FHIP1A: variants seen among roughly 807,000 people sequenced by gnomAD.
FHIP1A encodes FHF complex subunit HOOK interacting protein 1A, also known as FHF complex subunit HOOK-interacting protein 1A.
Under a neutral mutation model 88.6 loss-of-function variants are expected in FHIP1A, and 61 were observed. The observed-to-expected ratio is 0.69, with a 90% CI of 0.56 to 0.85. The LOEUF is 0.85. Ranked by LOEUF, FHIP1A falls within the 40% of genes least tolerant of loss-of-function variation. The pLI is 0.00. For synonymous variants in FHIP1A, 478 were observed against 496.0 expected (o/e 0.96, Z 0.48); for missense variants, 1,154 against 1,273.5 (o/e 0.91, Z 1.43).
At position 151,650,376 on chromosome 4, in the gene FHIP1A, C is replaced by T; in HGVS notation, c.2335C>T (p.Pro779Ser). ...LMEQNYPTPD[P>S]LLLTKEEEGK... ...GGAACAGAATTACCCCACACCTGAT[C>T]CCTTGCTTCTCACTAAGGAGGAAGA... is the stretch of plus-strand genomic sequence containing the variant. Residue 779 changes from proline (P) to serine (S), a missense_variant, in exon 11 of 14, where the codon CCC becomes TCC. Pro to Ser is a moderately conservative substitution (Grantham distance 74). Coordinates refer to ENST00000435205, the MANE Select transcript of FHIP1A (RefSeq NM_001109977.3). The T allele has an allele frequency of 6.4e-7, 1 of 1,551,668 alleles. No homozygotes were observed. The highest frequency in any genetic ancestry group is 8.7e-7 in the Non-Finnish European group (1 of 1,146,996).
intron 3 of FHIP1A, among the ~76,000 whole-genome samples, chr4:151,494,890 G>A (rs6844169): frequency 0.12 from 18,885 of 152,106 alleles, 1,285 homozygotes; most frequent in African/African-American, 0.17. Flanking sequence ...TTGTAGAGAT[G>A]TTTCACCTTC....
chr4:151,627,429 C>T (rs1735994141), intron 7 of FHIP1A, among the ~76,000 whole-genome samples: 1 of 152,158 alleles, frequency 6.6e-6, no homozygotes. Flanking sequence ...GGGGGAAAAG[C>T]TGATGCTACA....
rs930985861 is a variant in FHIP1A, at chr4:151,577,343, G to T, written c.106-107G>T. 248 of 995,166 alleles carry T rather than the reference G, an allele frequency of 2.5e-4. 4 individuals carry two copies. Among genetic ancestry groups the T allele is most frequent in the Non-Finnish European group, 6.7e-5 (46 of 682,252 alleles). The allele number at this position is 995,166 out of a possible 1,614,324, so 61.6% of individuals were successfully genotyped here. ...CACAATGCCCACACATATCTTGTGG[G>T]CAGTGGCTCCTGCATTTTTGGTGAC... On this transcript the variant is annotated intron_variant, in intron 4 of 13. Coordinates refer to ENST00000435205, the MANE Select transcript of FHIP1A (RefSeq NM_001109977.3).
At chr4:151,427,614 T>G (rs762577600) in intron 1 of FHIP1A, among the ~76,000 whole-genome samples, 26 of 152,108 alleles carry the variant, frequency 1.7e-4, no homozygotes, top group African/African-American at 2.7e-4. Flanking sequence ...ATTTTAATTT[T>G]AATTTGAATT....
chr4:151,625,197 G>A (rs1735908422), intron 7 of FHIP1A, among the ~76,000 whole-genome samples: 2 of 152,190 alleles, frequency 1.3e-5, no homozygotes, highest in Admixed American at 1.3e-4. Flanking sequence ...TTCAGTGGGA[G>A]CTTCACTCTG....
intron 1 of FHIP1A, among the ~76,000 whole-genome samples, chr4:151,427,518 A>G (rs937399549): frequency 5.3e-4 from 81 of 152,280 alleles, no homozygotes; most frequent in African/African-American, 1.8e-3. Flanking sequence ...ACACAAAAAC[A>G]TGTGGGCAAG....
At chr4:151,425,059 A>G (rs1249982687) in intron 1 of FHIP1A, among the ~76,000 whole-genome samples, 1 of 152,188 alleles carries the variant, frequency 6.6e-6, no homozygotes. Context: ...CTACTGGTCA[A>G]TCTTACCATT....
chr4:151,525,806 G>A (rs1356407511), intron 3 of FHIP1A, among the ~76,000 whole-genome samples: 1 of 150,632 alleles, frequency 6.6e-6, no homozygotes, highest in Non-Finnish European at 1.5e-5. Context: ...TTCTCGCAGA[G>A]GGGGATTTGG....
At chr4:151,556,052 A>G (rs2126754323) in intron 3 of FHIP1A, among the ~76,000 whole-genome samples, 1 of 152,294 alleles carries the variant, frequency 6.6e-6, no homozygotes, top group East Asian at 1.9e-4. Context: ...TAAACAATGT[A>G]TAAATGTGAA....
Position 151,566,227 on chromosome 4 carries a change from A to G in FHIP1A, c.-33A>G. The G allele has an allele frequency of 7.4e-7, 1 of 1,353,454 alleles. No homozygotes were observed. The highest frequency in any genetic ancestry group is 1.4e-5 in the South Asian group (1 of 71,362). The allele number at this position is 1,353,454 out of a possible 1,614,324, so 83.8% of individuals were successfully genotyped here. On this transcript the variant is annotated 5_prime_UTR_variant, in exon 4 of 14. Coordinates refer to ENST00000435205, the MANE Select transcript of FHIP1A (RefSeq NM_001109977.3). Reference sequence around the variant, plus strand: ...CTTACCAAATTTTAATGAAAATTAAATATGACTTAGAAGCATTGATTTATG... The same window carrying G: ...CTTACCAAATTTTAATGAAAATTAAGTATGACTTAGAAGCATTGATTTATG...
intron 3 of FHIP1A, among the ~76,000 whole-genome samples, chr4:151,543,495 TG>T (rs1446917403): frequency 6.6e-6 from 1 of 152,202 alleles, no homozygotes. Flanking sequence ...ATAGAGAATT[TG>T]GAATATGGAG....
intron 1 of FHIP1A, among the ~76,000 whole-genome samples, chr4:151,426,585 T>C (rs3934474): frequency 0.11 from 17,358 of 152,162 alleles, 1,039 homozygotes; most frequent in African/African-American, 0.13. Flanking sequence ...GTGGTTGTAT[T>C]TGAAGACTCA....
intron 3 of FHIP1A, among the ~76,000 whole-genome samples, chr4:151,554,609 G>A (rs1251741782): frequency 6.6e-6 from 1 of 152,072 alleles, no homozygotes; most frequent in Non-Finnish European, 1.5e-5. Context: ...AAAGGTTTTG[G>A]GATGCTGAAA....
chr4:151,650,431 A>G lies in FHIP1A; in HGVS notation c.2390A>G (p.Glu797Gly), dbSNP rs1475147588. The change falls in exon 11 of 14, where the codon GAG becomes GGG. Residue 797 changes from glutamate to glycine, a missense_variant. Glu to Gly is a moderately conservative substitution (Grantham distance 98, BLOSUM62 -2). Coordinates refer to ENST00000435205, the MANE Select transcript of FHIP1A (RefSeq NM_001109977.3). Reference sequence around the variant, plus strand: ...AAGGAAGAGAGTAAAGGAGAAAAGGAGAAGGAGGGGAAGAAGGAGCTAGAA... The same window carrying G: ...AAGGAAGAGAGTAAAGGAGAAAAGGGGAAGGAGGGGAAGAAGGAGCTAGAA... ...EGKEESKGEK[E>G]KEGKKELEDE... 3 of 1,551,500 alleles carry G rather than the reference A, an allele frequency of 1.9e-6. No individual in the cohort carries two copies. The highest frequency in any genetic ancestry group is 1.4e-5 in the African/African-American group (1 of 73,026).
At chr4:151,598,068 A>G (rs1734718096) in intron 7 of FHIP1A, among the ~76,000 whole-genome samples, 1 of 151,848 alleles carries the variant, frequency 6.6e-6, no homozygotes, top group African/African-American at 2.4e-5. Context: ...TCCAGGCGCC[A>G]CTGGGGTATT....
intron 1 of FHIP1A, among the ~76,000 whole-genome samples, chr4:151,445,473 G>A (rs1312453741): frequency 6.6e-6 from 1 of 152,032 alleles, no homozygotes; most frequent in Non-Finnish European, 1.5e-5. Flanking sequence ...GTGGGGGGGT[G>A]GAGGAGTGGG....
At position 151,669,583 on chromosome 4, in the gene FHIP1A, T is replaced by A. The variant is rs1056143467; in HGVS notation, c.*6829T>A. Among the ~76,000 whole-genome samples the A allele has an allele frequency of 2.6e-5, 4 of 152,276 alleles. No homozygotes were observed. The East Asian group carries it at 7.7e-4, about 29-fold the overall frequency. On this transcript the variant is annotated 3_prime_UTR_variant, in exon 14 of 14. Transcript: ENST00000435205. ...GTCAGACTCCAGTCTCAGACCACCT[T>A]TGCCCATTTGTAATTCAGACTTGCA...
chr4:151,555,598 C>T (rs1732917177), intron 3 of FHIP1A, among the ~76,000 whole-genome samples: 1 of 152,068 alleles, frequency 6.6e-6, no homozygotes, highest in African/African-American at 2.4e-5. Flanking sequence ...AGGAAAAACT[C>T]TCAACTGTGT....
chr4:151,539,562 TAAAAAAAA>T (rs1215200409), intron 3 of FHIP1A, among the ~76,000 whole-genome samples: 1 of 102,556 alleles, frequency 9.8e-6, no homozygotes, highest in Admixed American at 1.1e-4. Context: ...AGACTCTGTC[TAAAAAAAA>T]AAAAAAAAAA....
Sources: gnomAD v4.1 joint callset for allele counts (sites outside exome capture counted in the v4.1 genomes callset) on GRCh38, gnomAD v4.1.1 for gene constraint, MANE v1.5 for transcripts, NCBI Gene and HGNC (gene_info 2026-07-23, HGNC 2026-07-21) for gene names.